EIF3E: variants seen among roughly 807,000 people sequenced by gnomAD.
EIF3E encodes the protein eukaryotic translation initiation factor 3 subunit E, also known as eIF-3 p48.
EIF3E carries 25 observed loss-of-function variants against 59.3 expected under a neutral mutation model. The ratio of observed to expected loss-of-function variants is 0.42; its 90% CI spans 0.31 to 0.59. EIF3E has a LOEUF of 0.59. EIF3E is among the 20% of genes least tolerant of loss of function. The probability of loss-of-function intolerance (pLI) is 0.15; values close to 1 mark genes in which losing one functional copy is unlikely to be tolerated. For synonymous variants in EIF3E, 176 were observed against 170.2 expected (o/e 1.03, Z -0.26); for missense variants, 317 against 534.3 (o/e 0.59, Z 4.01).
At chr8:108,234,945 G>C (rs1225998087) in intron 5 of EIF3E, 53 bp downstream of exon 5, 3 of 1,074,438 alleles carry the variant, frequency 2.8e-6, no homozygotes, top group Non-Finnish European at 3.8e-6. Context: ...AGAACCAAGG[G>C]AATCCTACAA....
At chr8:108,217,209 A>G in intron 8 of EIF3E, 125 bp downstream of exon 8, 1 of 732,224 alleles carries the variant, frequency 1.4e-6, no homozygotes, top group East Asian at 2.9e-5. Context: ...CTAAACTTCA[A>G]GTATTCCTTC....
At chr8:108,204,448 A>C (rs542492394) in intron 10 of EIF3E, among the ~76,000 whole-genome samples, 1 of 152,054 alleles carries the variant, frequency 6.6e-6, no homozygotes, top group Non-Finnish European at 1.5e-5. Flanking sequence ...GTAATGCAGG[A>C]GTGGAAAACC....
chr8:108,228,273 T>C lies in EIF3E; in HGVS notation c.716A>G (p.Gln239Arg). The change falls in exon 7 of 13, where the codon CAG (glutamine) becomes CGG (arginine). Residue 239 changes from glutamine to arginine, a missense_variant. By Grantham distance (43) the Gln-to-Arg change is conservative. Around this residue, in one of 4 missense-constraint regions of EIF3E, gnomAD observed 242 missense variants for 398.0 expected, o/e 0.61. Coordinates refer to ENST00000220849, the MANE Select transcript of EIF3E (RefSeq NM_001568.3). ...ACACAGTGAAATAACTTACTGTGGCTGATAAAGGAAGAGGTCAATAATATT... is the reference window on the plus strand; with the variant it reads ...ACACAGTGAAATAACTTACTGTGGCCGATAAAGGAAGAGGTCAATAATATT... ...RDNIIDLFLY[Q>R]PQYLNAIQTM... 6.3e-7 allele frequency: 1 copy of C among 1,591,770 alleles called. No homozygotes were observed. The highest frequency in any genetic ancestry group is 8.5e-7 in the Non-Finnish European group (1 of 1,170,196).
rs776822980 is a variant in EIF3E, at chr8:108,241,818, A to G, written c.186T>C (p.Tyr62=). The G allele has an allele frequency of 3.2e-6, 5 of 1,586,640 alleles. No individual in the cohort carries two copies. Among genetic ancestry groups the G allele is most frequent in the Non-Finnish European group, 1.7e-6 (2 of 1,171,422 alleles). The change falls in exon 2 of 13, where the codon TAT becomes TAC. Residue 62 remains tyrosine, a synonymous_variant. Coordinates refer to ENST00000220849, the MANE Select transcript of EIF3E (RefSeq NM_001568.3). ...DFAMDVYKNL[Y]SDDIPHALRE... Reference sequence around the variant, plus strand: ...ACTTACCATGAGGAATATCATCAGAATAAAGGTTTTTGTATACATCCATAG... The same window carrying G: ...ACTTACCATGAGGAATATCATCAGAGTAAAGGTTTTTGTATACATCCATAG...
chr8:108,244,648 CCTTT>C (rs1265423963), intron 1 of EIF3E, among the ~76,000 whole-genome samples: 21 of 152,062 alleles, frequency 1.4e-4, no homozygotes, highest in Non-Finnish European at 1.8e-4. Flanking sequence ...GACTTTCTGC[CCTTT>C]CTAATTTTTG....
chr8:108,220,926 T>C (rs1358760631), intron 7 of EIF3E, among the ~76,000 whole-genome samples: 3 of 152,060 alleles, frequency 2.0e-5, no homozygotes, highest in African/African-American at 4.8e-5. Flanking sequence ...GGAGGCTGAA[T>C]TGGGAGGAAG....
intron 3 of EIF3E, among the ~76,000 whole-genome samples, chr8:108,239,499 G>A (rs557118905): frequency 2.6e-5 from 4 of 152,268 alleles, no homozygotes; most frequent in African/African-American, 9.6e-5. Context: ...ACCACACAGT[G>A]GAACAGGGTT....
intron 5 of EIF3E, chr8:108,229,508 A>G: frequency 5.6e-6 from 1 of 178,220 alleles, no homozygotes; most frequent in Non-Finnish European, 1.2e-5. Flanking sequence ...TCAGGCACCT[A>G]AAACTTCAGA....
At position 108,240,086 on chromosome 8, in the gene EIF3E, AT is replaced by A. The variant is rs1815806409; in HGVS notation, c.206-12del. The A allele has an allele frequency of 4.4e-6, 7 of 1,596,956 alleles. No individual in the cohort carries two copies. The highest frequency in any genetic ancestry group is 6.0e-6 in the Non-Finnish European group (7 of 1,164,344). ...TTTTCTCTCTCAAAGCTAATTAAAAATGCAGAAGAGCACTACAATGTTAAGG... is the reference window on the plus strand; with the variant it reads ...TTTTCTCTCTCAAAGCTAATTAAAAAGCAGAAGAGCACTACAATGTTAAGG... On this transcript the variant is annotated splice_polypyrimidine_tract_variant and intron_variant, in intron 2 of 12. Transcript: ENST00000220849.
At chr8:108,221,744 T>C (rs1274582770) in intron 7 of EIF3E, 2 of 148,964 alleles carry the variant, frequency 1.3e-5, no homozygotes, top group South Asian at 2.1e-4. Flanking sequence ...CAACATATCA[T>C]CTCTGTCTCA....
At chr8:108,231,812 CAATTCTCAATGTATTCTA>C (rs1307120558) in intron 5 of EIF3E, 3 of 151,716 alleles carry the variant, frequency 2.0e-5, no homozygotes, top group Non-Finnish European at 4.4e-5. Context: ...TGTACCTGAA[CAATTCTCAATGTATTCTA>C]AAATCCACGA....
chr8:108,201,932 T>A lies in EIF3E; in HGVS notation c.1300-9A>T. 2 of 1,575,844 alleles carry A rather than the reference T, an allele frequency of 1.3e-6. No individual in the cohort carries two copies. Among genetic ancestry groups the A allele is most frequent in the Non-Finnish European group, 1.7e-6 (2 of 1,161,130 alleles). ...GTTGCCCAGTTAGGAGCCTAAAATA[T>A]GCAAAAAGAAATCAACACCGTGAAA... On this transcript the variant is annotated splice_polypyrimidine_tract_variant and intron_variant, in intron 12 of 12. Transcript: ENST00000220849.
intron 5 of EIF3E, chr8:108,233,670 C>A: frequency 2.4e-6 from 1 of 411,034 alleles, no homozygotes; most frequent in South Asian, 1.7e-5. Context: ...AGCAAGACTC[C>A]ATCTTGGAAA....
chr8:108,204,717 T>C (rs1815058189), intron 10 of EIF3E, among the ~76,000 whole-genome samples: 1 of 140,122 alleles, frequency 7.1e-6, no homozygotes. Context: ...CTATATACTA[T>C]ATATAGTATG....
chr8:108,237,396 C>T (rs966943923), intron 3 of EIF3E, among the ~76,000 whole-genome samples: 3 of 152,050 alleles, frequency 2.0e-5, no homozygotes, highest in Admixed American at 6.5e-5. Context: ...GGATTACAAG[C>T]GTGCACCACC....
At chr8:108,204,754 GAGAGAGAGAGAGAGAGAGAGAGAGAGAC>G (rs1248554268) in intron 10 of EIF3E, among the ~76,000 whole-genome samples, 45 of 105,844 alleles carry the variant, frequency 4.3e-4, no homozygotes, top group African/African-American at 1.6e-3. Context: ...TATAGAGAGA[GAGAGAGAGAGAGAGAGAGAGAGAGAGAC>G]AGAGAGAGAG....
chr8:108,201,949 A>T (rs772485392), intron 12 of EIF3E, 26 bp from the exon 13 acceptor site: 3 of 1,559,644 alleles, frequency 1.9e-6, no homozygotes, highest in Non-Finnish European at 2.6e-6. Flanking sequence ...AGAAATCAAC[A>T]CCGTGAAAAG....
At chr8:108,216,762 T>C (rs1815312667) in intron 8 of EIF3E, among the ~76,000 whole-genome samples, 1 of 152,160 alleles carries the variant, frequency 6.6e-6, no homozygotes, top group Admixed American at 6.5e-5. Context: ...ATTCCTCTAC[T>C]ACCAAAAGTC....
chr8:108,241,137 A>T (rs985824064), intron 2 of EIF3E, among the ~76,000 whole-genome samples: 1 of 152,236 alleles, frequency 6.6e-6, no homozygotes, highest in Non-Finnish European at 1.5e-5. Flanking sequence ...TATATTCTAG[A>T]GCAGTCTTTC....
Sources: gnomAD v4.1 joint callset for allele counts (sites outside exome capture counted in the v4.1 genomes callset) on GRCh38, gnomAD v4.1.1 for gene constraint, gnomAD v4.1.1 regional missense constraint, MANE v1.5 for transcripts, NCBI Gene and HGNC (gene_info 2026-07-23, HGNC 2026-07-21) for gene names.